Variants in ZSCAN25 observed in about 807,000 individuals in gnomAD.
ZSCAN25 encodes zinc finger and SCAN domain containing 25, also known as zinc finger and SCAN domain-containing protein 25.
ZSCAN25 carries 27 observed loss-of-function variants against 38.7 expected under a neutral mutation model. The observed-to-expected ratio is 0.70, with a 90% CI of 0.51 to 0.96. The LOEUF is 0.96. Among genes scored for constraint, ZSCAN25 ranks in the 40% least tolerant of loss-of-function variants. The pLI, the probability that ZSCAN25 is intolerant of heterozygous loss-of-function variation, is 0.00. For missense variants in ZSCAN25, 637 were observed against 705.9 expected (o/e 0.90, Z 1.11); for synonymous variants, 273 against 277.7 (o/e 0.98, Z 0.17).
At chr7:99,684,020 G>A in the ZSCAN25 span, among the ~76,000 whole-genome samples, 1 of 152,168 alleles carries the variant, frequency 6.6e-6, no homozygotes, top group African/African-American at 2.4e-5. Context: ...GTTGGGAGTT[G>A]AGAATGGAAT....
At chr7:99,649,772 C>T in the ZSCAN25 span, among the ~76,000 whole-genome samples, 52 of 152,192 alleles carry the variant, frequency 3.4e-4, no homozygotes, top group African/African-American at 1.2e-3. Flanking sequence ...AATCATTGCA[C>T]TTCATGATTG....
chr7:99,632,986 G>GTTTTTT (rs201141594), downstream of ZSCAN25, among the ~76,000 whole-genome samples: 14 of 141,532 alleles, frequency 9.9e-5, no homozygotes, highest in South Asian at 9.7e-4. Flanking sequence ...TGCATTTTCT[G>GTTTTTT]TTGTTTTTTT....
the ZSCAN25 span, chr7:99,660,245 T>TTTTA: frequency 2.7e-6 from 2 of 738,736 alleles, no homozygotes; most frequent in Non-Finnish European, 3.3e-6. Flanking sequence ...TTTTTTTTTT[T>TTTTA]ACTTAGCATT....
chr7:99,637,565 T>C, the ZSCAN25 span, among the ~76,000 whole-genome samples: 1 of 152,248 alleles, frequency 6.6e-6, no homozygotes, highest in African/African-American at 2.4e-5. Flanking sequence ...CAGAACTTAT[T>C]TGCTGACATT....
At chr7:99,633,774 G>T (rs1289878690), downstream of ZSCAN25, among the ~76,000 whole-genome samples, 3 of 152,202 alleles carry the variant, frequency 2.0e-5, no homozygotes, top group Non-Finnish European at 2.9e-5. Context: ...TCAGTCTGCT[G>T]GAGTTATAAT....
At chr7:99,672,042 T>TTTGTTG in the ZSCAN25 span, among the ~76,000 whole-genome samples, 37 of 151,842 alleles carry the variant, frequency 2.4e-4, no homozygotes, top group East Asian at 9.6e-4. Flanking sequence ...TTTGCCGGTT[T>TTTGTTG]TTGTTGTTGT....
rs920026312 is a variant in ZSCAN25, at chr7:99,617,027, C to T, written c.-259+11C>T. 4 of 152,268 alleles carry T rather than the reference C, an allele frequency of 2.6e-5. No homozygotes were observed. The highest frequency in any genetic ancestry group is 5.9e-5 in the Non-Finnish European group (4 of 68,098). The allele number at this position is 152,268 out of a possible 1,614,324, so 9.4% of individuals were successfully genotyped here. ...TCAGGGCCGCGGCGGGTGAGAGCCTCTTCAGGGCCGCAGCGGGTGGCGGGC... is the reference window on the plus strand; with the variant it reads ...TCAGGGCCGCGGCGGGTGAGAGCCTTTTCAGGGCCGCAGCGGGTGGCGGGC... On this transcript the variant is annotated intron_variant, in intron 1 of 7. Coordinates refer to ENST00000394152, the MANE Select transcript of ZSCAN25 (RefSeq NM_145115.3).
chr7:99,642,362 A>G, the ZSCAN25 span, among the ~76,000 whole-genome samples: 3 of 152,176 alleles, frequency 2.0e-5, no homozygotes, highest in East Asian at 1.9e-4. Flanking sequence ...AGGAACCTCC[A>G]CCACATTGAC....
the ZSCAN25 span, chr7:99,665,176 A>G: frequency 6.2e-7 from 1 of 1,611,486 alleles, no homozygotes; most frequent in Non-Finnish European, 8.5e-7. Flanking sequence ...TTATTGAGAG[A>G]AATAATGGAT....
chr7:99,652,573 A>G, the ZSCAN25 span: 1 of 1,611,924 alleles, frequency 6.2e-7, no homozygotes, highest in Non-Finnish European at 8.5e-7. Context: ...GGAACTCCTC[A>G]GGCTCTGTCC....
the ZSCAN25 span, chr7:99,663,956 A>T: frequency 6.3e-7 from 1 of 1,577,028 alleles, no homozygotes; most frequent in Non-Finnish European, 8.5e-7. Flanking sequence ...TTTAACCACC[A>T]TCAGATTTTA....
chr7:99,648,499 G>C, the ZSCAN25 span: 11 of 706,848 alleles, frequency 1.6e-5, no homozygotes, highest in Middle Eastern at 4.5e-4. Flanking sequence ...TGCTTTGCAA[G>C]CATATAAAAA....
Position 99,621,422 on chromosome 7 carries a change from G to A in ZSCAN25, c.437G>A (p.Gly146Asp). 6.5e-7 allele frequency: 1 copy of A among 1,529,782 alleles called. No homozygotes were observed. Among genetic ancestry groups the A allele is most frequent in the Admixed American group, 1.9e-5 (1 of 52,192 alleles). 94.8% of individuals were successfully genotyped at this position (1,529,782 alleles called of 1,614,324 possible). A position where few individuals can be genotyped will look rare whatever the true frequency, so the allele number is the denominator to read the frequency against. The part of the protein sequence containing the change: ...GEQEETALCR[G>D]AWEPGIQLGP... The stretch of plus-strand genomic sequence containing the variant: ...CAGGAGGAAACAGCACTTTGCAGAG[G>A]CGCTTGGGAGCCAGGCATCCAGCTG... The change falls in exon 5 of 8, where the codon GGC becomes GAC. Residue 146 changes from glycine (G) to aspartate (D), a missense_variant. Gly to Asp is a moderately conservative substitution (Grantham distance 94). Coordinates refer to ENST00000394152, the MANE Select transcript of ZSCAN25 (RefSeq NM_145115.3).
the ZSCAN25 span, chr7:99,730,846 T>C: frequency 1.8e-6 from 1 of 558,776 alleles, no homozygotes; most frequent in Admixed American, 3.1e-5. Context: ...CTACTTGACA[T>C]TTGGGCTGTC....
At chr7:99,722,346 G>C in the ZSCAN25 span, 3 of 1,613,446 alleles carry the variant, frequency 1.9e-6, no homozygotes, top group Admixed American at 5.0e-5. Context: ...ACGTCCAATA[G>C]CCCTGGGAGG....
chr7:99,715,973 G>A, the ZSCAN25 span: 4 of 1,611,156 alleles, frequency 2.5e-6, no homozygotes, highest in Non-Finnish European at 3.4e-6. Context: ...TATGCGTGCA[G>A]CAGGAAATCC....
chr7:99,667,435 G>A, the ZSCAN25 span, among the ~76,000 whole-genome samples: 2 of 152,346 alleles, frequency 1.3e-5, no homozygotes, highest in Admixed American at 1.3e-4. Context: ...CAGATGGGCA[G>A]ACTGTATGTT....
the ZSCAN25 span, among the ~76,000 whole-genome samples, chr7:99,645,093 C>T: frequency 6.1e-3 from 925 of 152,276 alleles, 7 homozygotes; most frequent in African/African-American, 0.021. Flanking sequence ...TGGGTTCAAG[C>T]GATTCTCGTG....
the ZSCAN25 span, chr7:99,720,929 A>G: frequency 0.013 from 2,144 of 162,176 alleles, 54 homozygotes; most frequent in African/African-American, 0.048. Flanking sequence ...TGTATGGGCC[A>G]TGCCAGATCC....
Sources: gnomAD v4.1 joint callset for allele counts (sites outside exome capture counted in the v4.1 genomes callset) on GRCh38, gnomAD v4.1.1 for gene constraint, MANE v1.5 for transcripts, NCBI Gene and HGNC (gene_info 2026-07-23, HGNC 2026-07-21) for gene names.